Variants in DCC observed in about 807,000 individuals in gnomAD.
The protein encoded by DCC is netrin receptor DCC.
In DCC, 58 loss-of-function variants were observed where a neutral mutation model predicts 172.5. That is an observed-to-expected ratio of 0.34 (90% CI 0.27 to 0.42). The LOEUF (loss-of-function observed/expected upper bound fraction) is 0.42, where lower values mean the gene tolerates loss of function less well. Among genes scored for constraint, DCC ranks in the 10% least tolerant of loss-of-function variants. The pLI, the probability that DCC is intolerant of heterozygous loss-of-function variation, is 1.00. For synonymous variants in DCC, 709 were observed against 644.5 expected (o/e 1.10, Z -1.52); for missense variants, 1,740 against 1,791.0 (o/e 0.97, Z 0.51).
chr18:52,926,480 T>C (rs2040203719), intron 5 of DCC, among the ~76,000 whole-genome samples: 1 of 151,796 alleles, frequency 6.6e-6, no homozygotes, highest in African/African-American at 2.4e-5. Context: ...CACAGTTTAA[T>C]TGAGTCATAT....
chr18:52,387,376 T>G (rs955995478), intron 1 of DCC, among the ~76,000 whole-genome samples: 26 of 151,960 alleles, frequency 1.7e-4, no homozygotes, highest in African/African-American at 6.3e-4. Flanking sequence ...AGAGAGCGAG[T>G]CTGGATGATG....
At chr18:52,988,784 G>GA (rs1174999291) in intron 5 of DCC, among the ~76,000 whole-genome samples, 2 of 151,862 alleles carry the variant, frequency 1.3e-5, no homozygotes, top group Non-Finnish European at 2.9e-5. Flanking sequence ...AGCCTTGGTT[G>GA]AAAAAAATCA....
chr18:53,163,152 T>A (rs4410149), intron 8 of DCC, among the ~76,000 whole-genome samples: 61,974 of 152,106 alleles, frequency 0.41, 13,538 homozygotes, highest in East Asian at 0.71. Flanking sequence ...TTAAGACTAG[T>A]TCTTATTCAT....
At chr18:52,837,961 A>G (rs1475514688) in intron 2 of DCC, among the ~76,000 whole-genome samples, 2 of 152,170 alleles carry the variant, frequency 1.3e-5, no homozygotes, top group Non-Finnish European at 2.9e-5. Context: ...AAAAAAATGA[A>G]TGCCCAGTGA....
At chr18:53,261,799 A>G (rs1250642200) in intron 12 of DCC, among the ~76,000 whole-genome samples, 1 of 152,090 alleles carries the variant, frequency 6.6e-6, no homozygotes, top group Non-Finnish European at 1.5e-5. Context: ...GCGACCGGCC[A>G]TTTATGAATA....
Position 53,484,165 on chromosome 18 carries a change from A to G in DCC, c.3737-2632A>G, listed in dbSNP as rs61650459. ...TTTGATAATTTTTCAACTAACAACT[A>G]CCTGAGATTTTCCTTCAATTATGCT... On this transcript the variant is annotated intron_variant, in intron 25 of 28. Coordinates refer to ENST00000442544, the MANE Select transcript of DCC (RefSeq NM_005215.4). Among the ~76,000 whole-genome samples the G allele has an allele frequency of 6.0e-3, 914 of 152,030 alleles. 13 individuals carry two copies. Among genetic ancestry groups the G allele is most frequent in the African/African-American group, 0.021 (880 of 41,528 alleles).
At chr18:52,746,997 A>G (rs1017232099) in intron 1 of DCC, among the ~76,000 whole-genome samples, 13 of 152,080 alleles carry the variant, frequency 8.5e-5, no homozygotes, top group Non-Finnish European at 1.5e-4. Context: ...AGAAGGCCCA[A>G]TGATGATCTG....
chr18:53,393,910 TCTCC>T (rs1403818727), intron 17 of DCC, among the ~76,000 whole-genome samples: 5 of 140,288 alleles, frequency 3.6e-5, no homozygotes, highest in African/African-American at 5.0e-5. Context: ...CCTCTCTCTC[TCTCC>T]CTCTCTCCCT....
intron 5 of DCC, among the ~76,000 whole-genome samples, chr18:52,985,418 T>C (rs1598999360): frequency 6.6e-6 from 1 of 152,168 alleles, no homozygotes; most frequent in Non-Finnish European, 1.5e-5. Context: ...CATTCAATAC[T>C]GCTGATGAGA....
chr18:52,896,707 G>C (rs1248045508), intron 2 of DCC, among the ~76,000 whole-genome samples: 1 of 152,134 alleles, frequency 6.6e-6, no homozygotes, highest in Non-Finnish European at 1.5e-5. Flanking sequence ...AACTGCCTCT[G>C]TTGGCCCTAT....
At chr18:52,571,295 G>C (rs2033286129) in intron 1 of DCC, among the ~76,000 whole-genome samples, 1 of 152,022 alleles carries the variant, frequency 6.6e-6, no homozygotes, top group Non-Finnish European at 1.5e-5. Flanking sequence ...GGAGGGGTCA[G>C]AGAGTAGCCT....
chr18:53,306,895 A>G (rs1473387555), intron 13 of DCC, among the ~76,000 whole-genome samples: 1 of 152,210 alleles, frequency 6.6e-6, no homozygotes, highest in African/African-American at 2.4e-5. Context: ...TCAGGACAAC[A>G]TACAAACCAT....
At chr18:52,960,451 A>T (rs1482335149) in intron 5 of DCC, among the ~76,000 whole-genome samples, 1 of 152,108 alleles carries the variant, frequency 6.6e-6, no homozygotes, top group Non-Finnish European at 1.5e-5. Flanking sequence ...TCTCTACTTT[A>T]CTAATTGACA....
chr18:52,844,160 T>C (rs1166710202), intron 2 of DCC, among the ~76,000 whole-genome samples: 2 of 152,142 alleles, frequency 1.3e-5, no homozygotes, highest in Non-Finnish European at 1.5e-5. Flanking sequence ...GAATATTGCT[T>C]GGAATATAGG....
chr18:52,456,781 T>A (rs929643333), intron 1 of DCC, among the ~76,000 whole-genome samples: 5 of 152,130 alleles, frequency 3.3e-5, no homozygotes, highest in Admixed American at 1.3e-4. Flanking sequence ...CCTTATTTTG[T>A]AGCTAAGCCA....
At chr18:52,389,116 A>G (rs1198452992) in intron 1 of DCC, among the ~76,000 whole-genome samples, 2 of 152,036 alleles carry the variant, frequency 1.3e-5, no homozygotes, top group African/African-American at 2.4e-5. Flanking sequence ...GCCCACCTGA[A>G]GAGTCACTCT....
intron 27 of DCC, among the ~76,000 whole-genome samples, chr18:53,525,046 G>A (rs1038906425): frequency 6.6e-6 from 1 of 152,000 alleles, no homozygotes; most frequent in Non-Finnish European, 1.5e-5. Flanking sequence ...ACTTTTCACA[G>A]CGTGAATAGT....
At chr18:52,952,189 T>C (rs2040659508) in intron 5 of DCC, among the ~76,000 whole-genome samples, 1 of 152,226 alleles carries the variant, frequency 6.6e-6, no homozygotes, top group African/African-American at 2.4e-5. Context: ...AAATTGTCCG[T>C]GTCCTTATTT....
chr18:53,520,662 T>C (rs963754887), intron 27 of DCC, among the ~76,000 whole-genome samples: 2 of 152,032 alleles, frequency 1.3e-5, no homozygotes, highest in African/African-American at 4.8e-5. Flanking sequence ...ACACTGAATC[T>C]ACACACAAAA....
Sources: gnomAD v4.1 joint callset for allele counts (sites outside exome capture counted in the v4.1 genomes callset) on GRCh38, gnomAD v4.1.1 for gene constraint, MANE v1.5 for transcripts, NCBI Gene and HGNC (gene_info 2026-07-23, HGNC 2026-07-21) for gene names.